The following DGKZ variants were observed in gnomAD, a reference collection of about 807,000 sequenced individuals.
DGKZ encodes diacylglycerol kinase zeta.
A neutral mutation model predicts 142.5 loss-of-function variants in DGKZ; 45 were observed. The ratio of observed to expected loss-of-function variants is 0.32; its 90% confidence interval spans 0.25 to 0.40. The LOEUF is 0.40. Among genes scored for constraint, DGKZ ranks in the 10% least tolerant of loss-of-function variants. The probability of loss-of-function intolerance (pLI) is 1.00; values close to 1 mark genes in which losing one functional copy is unlikely to be tolerated. For missense variants in DGKZ, 755 were observed against 1,306.5 expected (o/e 0.58, Z 6.51); for synonymous variants, 442 against 527.0 (o/e 0.84, Z 2.21).
intron 4 of DGKZ, chr11:46,368,475 G>T: frequency 2.8e-6 from 1 of 353,460 alleles, no homozygotes; most frequent in Admixed American, 3.9e-5. Flanking sequence ...ATTGTCCACT[G>T]TGCATTTGCA....
At chr11:46,379,056 G>T (rs777056084) in exon 28 of DGKZ, 10 of 1,599,290 alleles carry the variant, frequency 6.3e-6, no homozygotes, top group Non-Finnish European at 8.5e-6. Flanking sequence ...GCACGCTCCT[G>T]CACCACGCAG....
Position 46,337,808 on chromosome 11 carries a change from G to T in DGKZ, c.212+4321G>T, listed in dbSNP as rs77914075. On this transcript the variant is annotated intron_variant, in intron 1 of 30. Transcript: ENST00000343674. ...ACAAAAAAAAAAATGGAGGGAGGGG[G>T]TGTCCAATGTGAGATGACTCACTGG... is the stretch of plus-strand genomic sequence containing the variant. Among the ~76,000 whole-genome samples the T allele has an allele frequency of 9.2e-5, 14 of 152,270 alleles. 1 individual carries two copies. In the East Asian group the frequency reaches 2.7e-3, roughly 29 times the overall value.
At chr11:46,336,160 G>A (rs940972917) in intron 1 of DGKZ, among the ~76,000 whole-genome samples, 9 of 152,234 alleles carry the variant, frequency 5.9e-5, no homozygotes, top group South Asian at 2.1e-4. Flanking sequence ...GAGGACGGGG[G>A]CTTTGGCAGG....
intron 19 of DGKZ, 89 bp from the exon 20 acceptor site, chr11:46,375,343 C>A: frequency 1.4e-6 from 2 of 1,410,280 alleles, no homozygotes; most frequent in Non-Finnish European, 1.9e-6. Context: ...TGTTCTCTGG[C>A]TAGAGTTTCT....
chr11:46,344,607 C>T (rs1940454043), upstream of DGKZ, among the ~76,000 whole-genome samples: 1 of 152,034 alleles, frequency 6.6e-6, no homozygotes, highest in African/African-American at 2.4e-5. Flanking sequence ...GCACCTGCCA[C>T]CACGCCGGGC....
chr11:46,351,616 CCT>C (rs1366347201), intron 1 of DGKZ, among the ~76,000 whole-genome samples: 2 of 152,178 alleles, frequency 1.3e-5, no homozygotes, highest in African/African-American at 4.8e-5. Context: ...CGAAAGGAAA[CCT>C]CTTTGAGTGG....
chr11:46,340,690 C>T (rs1940236275), intron 1 of DGKZ, among the ~76,000 whole-genome samples: 1 of 152,264 alleles, frequency 6.6e-6, no homozygotes, highest in Non-Finnish European at 1.5e-5. Context: ...GCAGCACCTG[C>T]AACCCAGCTC....
intron 25 of DGKZ, chr11:46,377,787 G>C: frequency 3.5e-6 from 1 of 288,562 alleles, no homozygotes; most frequent in Non-Finnish European, 6.6e-6. Context: ...GCCACCACTG[G>C]ACTTCTGTCA....
rs1944096158 is a variant in DGKZ, at chr11:46,372,764, C to T, written c.1072-7C>T. On this transcript the variant is annotated splice_polypyrimidine_tract_variant and splice_region_variant and intron_variant, in intron 12 of 30. Transcript: ENST00000527911. The surrounding 1 kb of genome is among the most constrained non-coding windows in gnomAD (Gnocchi z 5.9). ...GGCCTGATTTGCCTCTGTTCTTCCT[C>T]CCCCAGGTGGGCTGGATCCTCTCCA... The T allele has an allele frequency of 1.2e-6, 2 of 1,607,706 alleles. No individual in the cohort carries two copies. The highest frequency in any genetic ancestry group is 1.7e-6 in the Non-Finnish European group (2 of 1,177,238).
At chr11:46,369,467 T>C in intron 4 of DGKZ, 27 bp from the exon 5 acceptor site, 1 of 1,613,962 alleles carries the variant, frequency 6.2e-7, no homozygotes, top group East Asian at 2.2e-5. Context: ...GTTCTGACAT[T>C]TTGGTGGTCA....
intron 14 of DGKZ, among the ~76,000 whole-genome samples, chr11:46,373,789 C>T (rs1944249142): frequency 1.3e-5 from 2 of 152,260 alleles, no homozygotes; most frequent in South Asian, 2.1e-4. Context: ...TGAGCCACCA[C>T]GCCTGGTCAG....
In DGKZ at chr11:46,367,431, C is replaced by G; in HGVS notation, c.270+32C>G. ...GCCTGAACACCCCTGGGTCCCAGAC[C>G]CTCTGGGCTCTTGGCCAAGGCGCAG... On this transcript the variant is annotated intron_variant, in intron 2 of 30. Coordinates refer to ENST00000527911, the Ensembl canonical transcript of DGKZ. The surrounding 1 kb of genome is among the most constrained non-coding windows in gnomAD (Gnocchi z 4.1). 1.2e-6 allele frequency: 2 copies of G among 1,601,380 alleles called. No individual in the cohort carries two copies. The highest frequency in any genetic ancestry group is 1.7e-6 in the Non-Finnish European group (2 of 1,170,888).
At chr11:46,375,381 CCCCTGCCCCCAG>C in intron 19 of DGKZ, 39 bp from the exon 20 acceptor site, 8 of 1,517,214 alleles carry the variant, frequency 5.3e-6, no homozygotes, top group Non-Finnish European at 6.2e-6. Flanking sequence ...GTCTGGGACC[CCCCTGCCCCCAG>C]CCCTGGTGCC....
chr11:46,345,675 C>A, upstream of DGKZ: 2 of 1,293,650 alleles, frequency 1.5e-6, no homozygotes, highest in South Asian at 1.5e-5. The surrounding 1 kb of genome is among the most constrained non-coding windows in gnomAD (Gnocchi z 4.1). Flanking sequence ...GAAGTAGGGT[C>A]ACCCATCTGT....
chr11:46,333,034 C>G (rs1413987868), exon 1 of DGKZ: 3 of 346,986 alleles, frequency 8.6e-6, no homozygotes, highest in Non-Finnish European at 1.5e-5. Flanking sequence ...CGCAGCACCC[C>G]GACTCCAGCC....
intron 24 of DGKZ, 158 bp downstream of exon 24, chr11:46,376,722 C>G: frequency 3.0e-6 from 3 of 990,018 alleles, no homozygotes; most frequent in Non-Finnish European, 4.5e-6. Flanking sequence ...CAGCGTGCGG[C>G]CCTGCCCTCC....
chr11:46,342,577 C>T (rs1291032523), upstream of DGKZ, among the ~76,000 whole-genome samples: 7 of 152,174 alleles, frequency 4.6e-5, no homozygotes, highest in Non-Finnish European at 8.8e-5. Flanking sequence ...ACACAGTCTC[C>T]GATGAGGCCA....
chr11:46,360,238 A>G (rs889677134), intron 1 of DGKZ, among the ~76,000 whole-genome samples: 8 of 152,188 alleles, frequency 5.3e-5, no homozygotes, highest in Non-Finnish European at 1.0e-4. Flanking sequence ...TATTTATAAA[A>G]GTGTTGTTTA....
chr11:46,335,428 C>CAA (rs1491118188), intron 1 of DGKZ, among the ~76,000 whole-genome samples: 90 of 103,378 alleles, frequency 8.7e-4, no homozygotes, highest in African/African-American at 7.6e-3. Flanking sequence ...CACGTGCACG[C>CAA]ACACACACAC....
Sources: allele counts gnomAD v4.1 joint callset (sites outside exome capture counted in the v4.1 genomes callset), GRCh38; gene constraint gnomAD v4.1.1; non-coding constraint Gnocchi (gnomAD v3.1); transcripts MANE v1.5; gene names NCBI Gene and HGNC (gene_info 2026-07-23, HGNC 2026-07-21).